Variants in DHRS7 observed in about 807,000 individuals in gnomAD.
The protein encoded by DHRS7 is dehydrogenase/reductase 7.
In DHRS7, 34 loss-of-function variants were observed where a neutral mutation model predicts 38.9. The observed-to-expected ratio is 0.87, with a 90% CI of 0.66 to 1.16. DHRS7 has a LOEUF of 1.16. DHRS7 is among the 50% of genes most tolerant of loss of function. The pLI, the probability that DHRS7 is intolerant of heterozygous loss-of-function variation, is 0.00. For synonymous variants in DHRS7, 158 were observed against 153.1 expected (o/e 1.03, Z -0.24); for missense variants, 421 against 407.0 (o/e 1.03, Z -0.30).
chr14:60,165,484 C>A (rs1896854982), upstream of DHRS7: 38 of 1,332,290 alleles, frequency 2.9e-5, no homozygotes, highest in Non-Finnish European at 3.4e-5. The surrounding 1 kb of genome is among the most constrained non-coding windows in gnomAD (Gnocchi z 4.6). Flanking sequence ...GCTCAGCACT[C>A]GCGGCCCCAC....
At chr14:60,168,848 C>A, upstream of DHRS7, 2 of 1,393,824 alleles carry the variant, frequency 1.4e-6, no homozygotes, top group Non-Finnish European at 9.6e-7. Flanking sequence ...TAAACCAAAG[C>A]ATAAGGTCAG....
chr14:60,165,036 TA>T lies in DHRS7; in HGVS notation c.133+140del. ...TCCTCCCCAACCCGCAGCCCCTGCG[TA>T]AGGGGCAGCCGGGCCTTCGGGAAGC... On this transcript the variant is annotated intron_variant, in intron 1 of 6. Coordinates refer to ENST00000557185, the MANE Select transcript of DHRS7 (RefSeq NM_016029.4). The surrounding 1 kb of genome is among the most constrained non-coding windows in gnomAD (Gnocchi z 4.6). The T allele has an allele frequency of 9.3e-7, 1 of 1,081,076 alleles. No homozygotes were observed. Among genetic ancestry groups the T allele is most frequent in the Non-Finnish European group, 1.3e-6 (1 of 752,788 alleles). The allele number at this position is 1,081,076 out of a possible 1,614,324, so 67.0% of individuals were successfully genotyped here.
chr14:60,154,556 G>C (rs760979920), intron 2 of DHRS7, among the ~76,000 whole-genome samples: 6 of 152,100 alleles, frequency 3.9e-5, no homozygotes, highest in Admixed American at 1.3e-4. Context: ...ACACATGCCT[G>C]AAATTCCCAA....
upstream of DHRS7, chr14:60,165,410 A>C: frequency 1.4e-6 from 2 of 1,465,832 alleles, no homozygotes; most frequent in Non-Finnish European, 1.8e-6. This position sits in a 1 kb window ranked among gnomAD's most constrained non-coding sequence, Gnocchi z 4.6. Context: ...GCCAGCCCAG[A>C]GCCGCACTGC....
Position 60,156,021 on chromosome 14 carries a change from T to G in DHRS7, c.265A>C (p.Arg89=). 1 of 1,583,514 alleles carries G rather than the reference T, an allele frequency of 6.3e-7. No individual in the cohort carries two copies. Among genetic ancestry groups the G allele is most frequent in the Non-Finnish European group, 8.6e-7 (1 of 1,166,000 alleles). The change falls in exon 2 of 7, where the codon AGG becomes CGG. Residue 89 remains arginine, a synonymous_variant. Transcript: ENST00000557185. ...LSARRVHELE[R]VKRRCLENGN... Reference sequence around the variant, plus strand: ...TTACCTAGGCATCTTCTTTTCACCCTTTCCAGCTCATGCACTCTTCTGGCT... The same window carrying G: ...TTACCTAGGCATCTTCTTTTCACCCGTTCCAGCTCATGCACTCTTCTGGCT...
intron 1 of DHRS7, among the ~76,000 whole-genome samples, chr14:60,164,415 AT>A (rs1354265039): frequency 6.6e-6 from 1 of 152,186 alleles, no homozygotes; most frequent in East Asian, 1.9e-4. Flanking sequence ...TCGGTAGGTC[AT>A]TTAATTTCTC....
chr14:60,161,718 T>G lies in DHRS7; in HGVS notation c.133+3459A>C, dbSNP rs1226586393. On this transcript the variant is annotated intron_variant, in intron 1 of 6. Coordinates refer to ENST00000557185, the MANE Select transcript of DHRS7 (RefSeq NM_016029.4). This position sits in a 1 kb window ranked among gnomAD's most constrained non-coding sequence, Gnocchi z 4.2. ...AGGGTCTGGACAGTGCAGAGCAGGA[T>G]GAGATGTCAAAAATCACTTCCCTTG... Among the ~76,000 whole-genome samples, 1 of 152,124 alleles carries G rather than the reference T, an allele frequency of 6.6e-6. No individual in the cohort carries two copies. The highest frequency in any genetic ancestry group is 2.4e-5 in the African/African-American group (1 of 41,422).
Position 60,150,079 on chromosome 14 carries a change from C to T in DHRS7, c.742G>A (p.Gly248Arg). ...GAAATTTTTACCTTTGTGACTTCTC[C>T]AGCTAGGGAATTCTCCACAATATTT... ...QSNIVENSLA[G>R]EVTKTIGNNG... The change falls in exon 5 of 7, where the codon GGA (glycine) becomes AGA (arginine). Residue 248 changes from glycine (G) to arginine (R), a missense_variant. Coordinates refer to ENST00000557185, the MANE Select transcript of DHRS7 (RefSeq NM_016029.4). 1.3e-6 allele frequency: 2 copies of T among 1,595,336 alleles called. No homozygotes were observed. The highest frequency in any genetic ancestry group is 4.5e-5 in the East Asian group (2 of 44,522).
In DHRS7 at chr14:60,165,132, C is replaced by A. The variant is rs1211235507; in HGVS notation, c.133+45G>T. On this transcript the variant is annotated intron_variant, in intron 1 of 6. Transcript: ENST00000557185. The surrounding 1 kb of genome is among the most constrained non-coding windows in gnomAD (Gnocchi z 4.6). Reference sequence around the variant, plus strand: ...GAGACCCGGACACGCCTCGGCAGCTCCGAGCCCGGCCTCCCACTCGGGAGA... The same window carrying A: ...GAGACCCGGACACGCCTCGGCAGCTACGAGCCCGGCCTCCCACTCGGGAGA... The A allele has an allele frequency of 2.5e-6, 4 of 1,604,802 alleles. No individual in the cohort carries two copies. Among genetic ancestry groups the A allele is most frequent in the Non-Finnish European group, 3.4e-6 (4 of 1,176,878 alleles).
At position 60,153,957 on chromosome 14, in the gene DHRS7, A is replaced by T; in HGVS notation, c.393+2T>A. 6.2e-7 allele frequency: 1 copy of T among 1,612,496 alleles called. No individual in the cohort carries two copies. Among genetic ancestry groups the T allele is most frequent in the Non-Finnish European group, 8.5e-7 (1 of 1,178,584 alleles). Reference sequence around the variant, plus strand: ...ACTATATCAATATAAGATGCTACTTACTCTACCAAACTCCTGGAGAACAGC... The same window carrying T: ...ACTATATCAATATAAGATGCTACTTTCTCTACCAAACTCCTGGAGAACAGC... On this transcript the variant is annotated splice_donor_variant, in intron 3 of 6. Transcript: ENST00000557185. LOFTEE classifies it high-confidence loss of function. This position sits in a 1 kb window ranked among gnomAD's most constrained non-coding sequence, Gnocchi z 4.4.
chr14:60,151,082 C>T (rs2140594006), intron 4 of DHRS7, among the ~76,000 whole-genome samples: 1 of 152,290 alleles, frequency 6.6e-6, no homozygotes, highest in African/African-American at 2.4e-5. Flanking sequence ...GGGATTAGTA[C>T]TTCACAGAAA....
chr14:60,167,384 A>G (rs937735271), upstream of DHRS7, among the ~76,000 whole-genome samples: 1 of 152,268 alleles, frequency 6.6e-6, no homozygotes, highest in Admixed American at 6.5e-5. Context: ...AATGCTTTGA[A>G]TAAAGTCCGA....
Position 60,153,239 on chromosome 14 carries a change from A to G in DHRS7, c.394-61T>C. ...GATGTCTTGTGGATAGATTGATGGA[A>G]TTCCTATGGATGGTTGGTTATTTTG... On this transcript the variant is annotated intron_variant, in intron 3 of 6. Transcript: ENST00000557185. This position sits in a 1 kb window ranked among gnomAD's most constrained non-coding sequence, Gnocchi z 4.4. The G allele has an allele frequency of 1.3e-6, 2 of 1,569,302 alleles. No individual in the cohort carries two copies. Among genetic ancestry groups the G allele is most frequent in the Non-Finnish European group, 1.7e-6 (2 of 1,146,434 alleles).
rs1189005938 is a variant in DHRS7 at position 60,162,608 on chromosome 14, C to CT, written c.133+2568dup. On this transcript the variant is annotated intron_variant, in intron 1 of 6. Coordinates refer to ENST00000557185, the MANE Select transcript of DHRS7 (RefSeq NM_016029.4). The surrounding 1 kb of genome is among the most constrained non-coding windows in gnomAD (Gnocchi z 4.5). ...TTTTAAGTGACAAAAAATAATAAAC[C>CT]TACAGAGAAGTCAAGAAGGATTTTT... Among the ~76,000 whole-genome samples, 1 of 151,902 alleles carries CT rather than the reference C, an allele frequency of 6.6e-6. No homozygotes were observed. The highest frequency in any genetic ancestry group is 2.4e-5 in the African/African-American group (1 of 41,346).
chr14:60,153,228 AG>A lies in DHRS7; in HGVS notation c.394-51del, dbSNP rs1185374905. On this transcript the variant is annotated intron_variant, in intron 3 of 6. Transcript: ENST00000557185. This position sits in a 1 kb window ranked among gnomAD's most constrained non-coding sequence, Gnocchi z 4.4. Reference sequence around the variant, plus strand: ...GGTGTTTGGGGGATGTCTTGTGGATAGATTGATGGAATTCCTATGGATGGTT... The same window carrying A: ...GGTGTTTGGGGGATGTCTTGTGGATAATTGATGGAATTCCTATGGATGGTT... 1.3e-6 allele frequency: 2 copies of A among 1,599,212 alleles called. No individual in the cohort carries two copies. Among genetic ancestry groups the A allele is most frequent in the Admixed American group, 3.4e-5 (2 of 59,264 alleles).
At position 60,156,016 on chromosome 14, in the gene DHRS7, C is replaced by T; in HGVS notation, c.270G>A (p.Val90=). The part of the protein sequence containing the change: ...SARRVHELER[V]KRRCLENGNL... Reference sequence around the variant, plus strand: ...TCCGCTTACCTAGGCATCTTCTTTTCACCCTTTCCAGCTCATGCACTCTTC... The same window carrying T: ...TCCGCTTACCTAGGCATCTTCTTTTTACCCTTTCCAGCTCATGCACTCTTC... The change falls in exon 2 of 7, where the codon GTG becomes GTA. Residue 90 remains valine, a synonymous_variant. Coordinates refer to ENST00000557185, the MANE Select transcript of DHRS7 (RefSeq NM_016029.4). 6.3e-7 allele frequency: 1 copy of T among 1,576,362 alleles called. No individual in the cohort carries two copies. Among genetic ancestry groups the T allele is most frequent in the Non-Finnish European group, 8.6e-7 (1 of 1,163,068 alleles).
Position 60,150,089 on chromosome 14 carries a change from A to G in DHRS7, c.732T>C (p.Asn244=). 2 of 1,602,672 alleles carry G rather than the reference A, an allele frequency of 1.2e-6. No homozygotes were observed. The highest frequency in any genetic ancestry group is 1.8e-5 in the Admixed American group (1 of 56,596). ...CCTTTGTGACTTCTCCAGCTAGGGA[A>G]TTCTCCACAATATTTGATTGCACAG... ...PGPVQSNIVE[N]SLAGEVTKTI... The change falls in exon 5 of 7, where the codon AAT becomes AAC. Residue 244 remains asparagine (N), a synonymous_variant. Transcript: ENST00000557185.
chr14:60,156,827 A>G (rs1388059226), intron 1 of DHRS7, among the ~76,000 whole-genome samples: 2 of 152,228 alleles, frequency 1.3e-5, no homozygotes, highest in East Asian at 1.9e-4. Flanking sequence ...GAACAAATGC[A>G]TATTACAGAG....
intron 6 of DHRS7, chr14:60,149,117 C>T: frequency 2.0e-6 from 1 of 491,092 alleles, no homozygotes; most frequent in East Asian, 3.9e-5. Flanking sequence ...GGATTACAGG[C>T]ATGCACCACC....
Sources: gnomAD v4.1 joint callset for allele counts (sites outside exome capture counted in the v4.1 genomes callset) on GRCh38, gnomAD v4.1.1 for gene constraint, Gnocchi (gnomAD v3.1) non-coding constraint, MANE v1.5 for transcripts, NCBI Gene and HGNC (gene_info 2026-07-23, HGNC 2026-07-21) for gene names.